The following GALK2 variants were observed in gnomAD, a reference collection of about 807,000 sequenced individuals.
GALK2 encodes the protein N-acetylgalactosamine kinase.
A neutral mutation model predicts 52.4 loss-of-function variants in GALK2; 36 were observed. That is an observed-to-expected ratio of 0.69 (90% CI 0.53 to 0.91). The LOEUF (loss-of-function observed/expected upper bound fraction) is 0.91. Among genes scored for constraint, GALK2 ranks in the 40% least tolerant of loss-of-function variants. The probability of loss-of-function intolerance (pLI) is 0.00; values close to 1 mark genes in which losing one functional copy is unlikely to be tolerated. For synonymous variants in GALK2, 176 were observed against 199.1 expected (o/e 0.88, Z 0.98); for missense variants, 579 against 559.1 (o/e 1.04, Z -0.36).
chr15:49,175,126 C>G (rs2141190103), intron 1 of GALK2, among the ~76,000 whole-genome samples: 1 of 152,254 alleles, frequency 6.6e-6, no homozygotes, highest in Admixed American at 6.5e-5. Context: ...TAACATACAT[C>G]CCATGTTCCC....
intron 3 of GALK2, among the ~76,000 whole-genome samples, chr15:49,340,984 C>G (rs1200872845): frequency 6.6e-6 from 1 of 152,182 alleles, no homozygotes; most frequent in African/African-American, 2.4e-5. Context: ...TGGCATATGG[C>G]TGGCCAGCTA....
chr15:49,233,795 C>T (rs1364705741), intron 3 of GALK2, among the ~76,000 whole-genome samples: 1 of 152,158 alleles, frequency 6.6e-6, no homozygotes, highest in Non-Finnish European at 1.5e-5. Context: ...GACGTCCTCT[C>T]TCTATCAAAT....
At position 49,331,815 on chromosome 15, in the gene GALK2, C is replaced by G; in HGVS notation, c.*3656C>G. On this transcript the variant is annotated 3_prime_UTR_variant, in exon 10 of 10. Transcript: ENST00000560031. ...AGGAACTTCTCAAAGTCCTGTTTCA[C>G]TTCATGAGGTTTCTTGGTAGCCTTT... The G allele has an allele frequency of 6.2e-7, 1 of 1,611,832 alleles. No individual in the cohort carries two copies. Among genetic ancestry groups the G allele is most frequent in the Non-Finnish European group, 8.5e-7 (1 of 1,178,036 alleles).
rs1250233146 is a variant in GALK2 at position 49,331,291 on chromosome 15, G to C, written c.*3132G>C. The stretch of plus-strand genomic sequence containing the variant: ...CTTAACAAGAATGCCCATAAGTAAA[G>C]AGAAGCAAAAGAGAAGATGACAAGG... On this transcript the variant is annotated 3_prime_UTR_variant, in exon 10 of 10. Transcript: ENST00000560031. 6.5e-6 allele frequency: 1 copy of C among 154,642 alleles called. No homozygotes were observed. Among genetic ancestry groups the C allele is most frequent in the African/African-American group, 2.4e-5 (1 of 41,460 alleles). The allele number at this position is 154,642 out of a possible 1,614,324, so 9.6% of individuals were successfully genotyped here. A position where few individuals can be genotyped will look rare whatever the true frequency, so the allele number is the denominator to read the frequency against.
intron 8 of GALK2, among the ~76,000 whole-genome samples, chr15:49,310,298 T>C (rs544815958): frequency 1.3e-5 from 2 of 152,320 alleles, no homozygotes; most frequent in East Asian, 3.9e-4. Flanking sequence ...TGGTGAACAT[T>C]TAGGTTGATC....
At chr15:49,245,979 A>G (rs1185129874) in intron 5 of GALK2, among the ~76,000 whole-genome samples, 1 of 152,160 alleles carries the variant, frequency 6.6e-6, no homozygotes, top group Non-Finnish European at 1.5e-5. Flanking sequence ...TACTCTGCAT[A>G]CTATTTTGTT....
At chr15:49,274,104 GA>G (rs1289924415) in intron 5 of GALK2, among the ~76,000 whole-genome samples, 1 of 152,170 alleles carries the variant, frequency 6.6e-6, no homozygotes, top group African/African-American at 2.4e-5. Context: ...ATGGGAAGCA[GA>G]GAGCACCGGA....
At chr15:49,269,848 A>G (rs1286750142) in intron 5 of GALK2, among the ~76,000 whole-genome samples, 1 of 152,208 alleles carries the variant, frequency 6.6e-6, no homozygotes, top group Admixed American at 6.5e-5. Flanking sequence ...TATTTAATCA[A>G]ACTCTATCCT....
chr15:49,209,502 G>A (rs1043248655), intron 2 of GALK2, among the ~76,000 whole-genome samples: 2 of 152,110 alleles, frequency 1.3e-5, no homozygotes, highest in Non-Finnish European at 1.5e-5. Flanking sequence ...ATTGAGACAT[G>A]TTCCTTCTGT....
At chr15:49,282,134 A>C in intron 6 of GALK2, 49 bp downstream of exon 6, 1 of 1,382,532 alleles carries the variant, frequency 7.2e-7, no homozygotes, top group Non-Finnish European at 1.0e-6. Flanking sequence ...TAGTGGGAAA[A>C]TTTACATGGA....
chr15:49,237,893 G>A (rs1179891717), intron 4 of GALK2, among the ~76,000 whole-genome samples: 1 of 151,890 alleles, frequency 6.6e-6, no homozygotes, highest in Non-Finnish European at 1.5e-5. Context: ...TGTATGAAAG[G>A]GCATTGGCAA....
At chr15:49,283,820 C>T in intron 7 of GALK2, 102 bp downstream of exon 7, 1 of 1,159,794 alleles carries the variant, frequency 8.6e-7, no homozygotes, top group African/African-American at 1.6e-5. Context: ...TTTAGGGCAA[C>T]ATTCTGACTG....
chr15:49,367,615 G>C, exon 4 of GALK2: 1 of 1,539,484 alleles, frequency 6.5e-7, no homozygotes. Context: ...GCGACTGTAA[G>C]AGGAAGAAAA....
At chr15:49,354,550 A>G (rs146670804) in intron 3 of GALK2, among the ~76,000 whole-genome samples, 2 of 152,114 alleles carry the variant, frequency 1.3e-5, no homozygotes, top group African/African-American at 2.4e-5. Context: ...GGCTTAAAAA[A>G]CGGCGCACCA....
At chr15:49,359,662 C>A (rs374635727) in intron 3 of GALK2, among the ~76,000 whole-genome samples, 31 of 133,256 alleles carry the variant, frequency 2.3e-4, no homozygotes, top group African/African-American at 6.3e-4. Context: ...TAGTTCAACC[C>A]TTGTGGAAGT....
At position 49,365,558 on chromosome 15, in the gene GALK2, G is replaced by T. The variant is rs558563203; in HGVS notation, c.427-1933G>T. 9.1e-5 allele frequency: 81 copies of T among 885,720 alleles called. No homozygotes were observed. The East Asian group carries it at 1.0e-3, about 11-fold the overall frequency. 54.9% of individuals were successfully genotyped at this position (885,720 alleles called of 1,614,324 possible). ...GGCAATGTTTCAGTATTTTCAAAAG[G>T]TCCAGCTGCAAGTTTAACCATGATA... On this transcript the variant is annotated intron_variant, in intron 3 of 3. Transcript: ENST00000558399.
At chr15:49,319,178 T>C (rs1369229836) in intron 8 of GALK2, 1 of 353,556 alleles carries the variant, frequency 2.8e-6, no homozygotes, top group Admixed American at 4.0e-5. Flanking sequence ...GGTCTTGAAC[T>C]CCTGACCTCA....
chr15:49,191,308 G>A (rs778912688), intron 1 of GALK2, among the ~76,000 whole-genome samples: 3 of 151,984 alleles, frequency 2.0e-5, no homozygotes, highest in Non-Finnish European at 4.4e-5. Context: ...GGTCTGTTTG[G>A]GAAATTTGGC....
chr15:49,282,177 T>A, intron 6 of GALK2, 92 bp downstream of exon 6: 2 of 841,422 alleles, frequency 2.4e-6, no homozygotes, highest in Non-Finnish European at 3.9e-6. Flanking sequence ...GGATGCTTGG[T>A]TATGGACAGC....
Sources: gnomAD v4.1 joint callset for allele counts (sites outside exome capture counted in the v4.1 genomes callset) on GRCh38, gnomAD v4.1.1 for gene constraint, MANE v1.5 for transcripts, NCBI Gene and HGNC (gene_info 2026-07-23, HGNC 2026-07-21) for gene names.